PCDH15: variants seen among roughly 807,000 people sequenced by gnomAD.
PCDH15 encodes the protein protocadherin related 15.
PCDH15 carries 129 observed loss-of-function variants against 178.5 expected under a neutral mutation model. That is an observed-to-expected ratio of 0.72 (90% CI 0.63 to 0.84). The LOEUF (loss-of-function observed/expected upper bound fraction) is 0.84, where lower values mean the gene tolerates loss of function less well. PCDH15 is among the 40% of genes least tolerant of loss of function. The pLI is 0.00. For synonymous variants in PCDH15, 800 were observed against 732.0 expected (o/e 1.09, Z -1.50); for missense variants, 2,230 against 2,099.9 (o/e 1.06, Z -1.21).
At chr10:55,524,793 A>C (rs2132169272) in intron 2 of PCDH15, among the ~76,000 whole-genome samples, 1 of 151,336 alleles carries the variant, frequency 6.6e-6, no homozygotes, top group East Asian at 1.9e-4. Context: ...CATTCAATAA[A>C]TGCTCTTGAA....
rs886509615 is a variant in PCDH15, at chr10:54,483,280, TA to T, written c.157+44531del. Among the ~76,000 whole-genome samples, 18 of 151,984 alleles carry T rather than the reference TA, an allele frequency of 1.2e-4. No homozygotes were observed. The South Asian group carries it at 1.5e-3, about 12-fold the overall frequency. ...TTCTGGAGTCAAGTGAATTTGGAAT[TA>T]CAACATGGTATGTGTTTAATGCTCA... On this transcript the variant is annotated intron_variant, in intron 3 of 37. Transcript: ENST00000644397.
intron 2 of PCDH15, among the ~76,000 whole-genome samples, chr10:54,586,184 A>G (rs2091452108): frequency 1.3e-5 from 2 of 152,140 alleles, no homozygotes; most frequent in African/African-American, 2.4e-5. Flanking sequence ...GGGAAAGTGG[A>G]GTAAATTTTT....
chr10:54,430,068 T>G, intron 3 of PCDH15, among the ~76,000 whole-genome samples: 1 of 150,050 alleles, frequency 6.7e-6, no homozygotes, highest in East Asian at 1.9e-4. Context: ...TTTTTTTTTT[T>G]TTTTAAAGAC....
chr10:55,462,817 G>T (rs990934213), intron 2 of PCDH15, among the ~76,000 whole-genome samples: 1 of 151,968 alleles, frequency 6.6e-6, no homozygotes, highest in South Asian at 2.1e-4. Context: ...AATGCAAAGG[G>T]TATATGTTAT....
intron 2 of PCDH15, among the ~76,000 whole-genome samples, chr10:55,426,488 G>A (rs1303668328): frequency 6.6e-6 from 1 of 152,158 alleles, no homozygotes; most frequent in Non-Finnish European, 1.5e-5. Context: ...TGCCAGCCCT[G>A]CAGCAGCATC....
chr10:54,844,651 C>A (rs1953474632), intron 3 of PCDH15, among the ~76,000 whole-genome samples: 1 of 151,696 alleles, frequency 6.6e-6, no homozygotes, highest in Non-Finnish European at 1.5e-5. Flanking sequence ...AATAATTTTT[C>A]AGAAATATGT....
intron 1 of PCDH15, among the ~76,000 whole-genome samples, chr10:54,686,124 G>A (rs2095000077): frequency 6.9e-6 from 1 of 144,246 alleles, no homozygotes; most frequent in Admixed American, 7.3e-5. Context: ...CTGACCTCGT[G>A]ATCAGCCTCC....
intron 1 of PCDH15, among the ~76,000 whole-genome samples, chr10:54,784,773 G>C (rs1412590994): frequency 1.3e-5 from 2 of 152,014 alleles, no homozygotes; most frequent in African/African-American, 4.8e-5. Flanking sequence ...GTATAACTCT[G>C]CATAATCATA....
chr10:55,599,929 A>C (rs998388054), intron 2 of PCDH15: 2 of 1,527,890 alleles, frequency 1.3e-6, no homozygotes, highest in Non-Finnish European at 1.8e-6. Flanking sequence ...GCTGTCTCTT[A>C]CTTTCAACCA....
rs2092879666 is a variant in PCDH15, at chr10:54,020,403, T to C, written c.2540A>G (p.Asp847Gly). Residue 847 changes from aspartate (D) to glycine (G), a missense_variant, in exon 20 of 38, where the codon GAC (aspartate) becomes GGC (glycine). Transcript: ENST00000644397. Reference sequence around the variant, plus strand: ...CCGGTAAGACACATTTGCTCCAAGGTCGACATCTTTGGCCTGTAATAAGCA... The same window carrying C: ...CCGGTAAGACACATTTGCTCCAAGGCCGACATCTTTGGCCTGTAATAAGCA... Reference protein sequence around the residue: ...TILQIEAKDVDLGANVSYRIR... With the variant: ...TILQIEAKDVGLGANVSYRIR... 1 of 1,613,698 alleles carries C rather than the reference T, an allele frequency of 6.2e-7. No individual in the cohort carries two copies. Among genetic ancestry groups the C allele is most frequent in the South Asian group, 1.1e-5 (1 of 91,074 alleles).
intron 8 of PCDH15, among the ~76,000 whole-genome samples, chr10:54,250,595 T>A (rs1049371078): frequency 6.6e-6 from 1 of 152,148 alleles, no homozygotes; most frequent in African/African-American, 2.4e-5. Context: ...TTACATTTTT[T>A]AACACAGGTT....
intron 2 of PCDH15, among the ~76,000 whole-genome samples, chr10:54,546,993 G>A (rs1187910259): frequency 1.3e-5 from 2 of 152,152 alleles, no homozygotes; most frequent in African/African-American, 2.4e-5. Flanking sequence ...TTGTGGGAAA[G>A]CTGTAGGCAG....
At chr10:55,426,133 G>A (rs1055353469) in intron 2 of PCDH15, among the ~76,000 whole-genome samples, 6 of 152,116 alleles carry the variant, frequency 3.9e-5, no homozygotes, top group African/African-American at 1.4e-4. Context: ...TACTTCAAAA[G>A]CTATAATTAA....
chr10:55,443,304 T>G (rs1268902210), intron 2 of PCDH15, among the ~76,000 whole-genome samples: 3 of 151,990 alleles, frequency 2.0e-5, no homozygotes, highest in African/African-American at 7.2e-5. Context: ...TTAATTAAAC[T>G]AAGAGCTTCT....
intron 2 of PCDH15, among the ~76,000 whole-genome samples, chr10:55,053,893 C>T (rs1465520488): frequency 2.0e-5 from 3 of 152,118 alleles, no homozygotes; most frequent in Non-Finnish European, 2.9e-5. Flanking sequence ...TCTTAATTTA[C>T]CTAGATGTAT....
intron 1 of PCDH15, among the ~76,000 whole-genome samples, chr10:54,779,481 T>TCTATATACACAC (rs1950099820): frequency 1.3e-5 from 1 of 74,246 alleles, no homozygotes; most frequent in Non-Finnish European, 2.7e-5. Flanking sequence ...TATACACACA[T>TCTATATACACAC]ATATATGTAT....
intron 3 of PCDH15, among the ~76,000 whole-genome samples, chr10:54,442,426 A>ATATATG (rs2075864166): frequency 1.0e-5 from 1 of 99,752 alleles, no homozygotes; most frequent in Non-Finnish European, 1.9e-5. Flanking sequence ...ATATATATAT[A>ATATATG]TATATATATA....
At chr10:54,026,263 T>A (rs1370711412) in intron 18 of PCDH15, among the ~76,000 whole-genome samples, 2 of 151,746 alleles carry the variant, frequency 1.3e-5, no homozygotes, top group Non-Finnish European at 2.9e-5. Flanking sequence ...AGAAACGGGG[T>A]TTCCTCTTGT....
chr10:54,433,946 C>T (rs1290556528), intron 3 of PCDH15, among the ~76,000 whole-genome samples: 2 of 152,188 alleles, frequency 1.3e-5, no homozygotes, highest in Non-Finnish European at 2.9e-5. Context: ...GACAACAGCT[C>T]CATGTGTGCT....
Sources: gnomAD v4.1 joint callset for allele counts (sites outside exome capture counted in the v4.1 genomes callset) on GRCh38, gnomAD v4.1.1 for gene constraint, MANE v1.5 for transcripts, NCBI Gene and HGNC (gene_info 2026-07-23, HGNC 2026-07-21) for gene names.